Variants in PCDHGA1 observed in about 807,000 individuals in gnomAD.
The protein encoded by PCDHGA1 is protocadherin gamma-A1.
PCDHGA1 carries 32 observed loss-of-function variants against 58.0 expected under a neutral mutation model. The ratio of observed to expected loss-of-function variants is 0.55; its 90% CI spans 0.42 to 0.74. The LOEUF is 0.74. Ranked by LOEUF, PCDHGA1 falls within the 30% of genes least tolerant of loss-of-function variation. The pLI, the probability that PCDHGA1 is intolerant of heterozygous loss-of-function variation, is 0.00. For missense variants in PCDHGA1, 1,205 were observed against 1,182.3 expected, an observed-to-expected ratio of 1.02 and a Z score of -0.28; for synonymous variants, 498 against 501.1, an observed-to-expected ratio of 0.99 and a Z score of 0.08.
At chr5:141,361,046 A>C (rs779477758) in intron 1 of PCDHGA1, 3 of 1,613,710 alleles carry the variant, frequency 1.9e-6, no homozygotes, top group Non-Finnish European at 2.5e-6. Flanking sequence ...ATCACGACAA[A>C]GGATGATTTG....
chr5:141,339,793 C>G (rs1319429933), intron 1 of PCDHGA1: 1 of 1,614,084 alleles, frequency 6.2e-7, no homozygotes, highest in Non-Finnish European at 8.5e-7. Context: ...AGGGCTACTA[C>G]GCTCAAGTGG....
At chr5:141,421,895 G>C in intron 1 of PCDHGA1, 1 of 1,613,730 alleles carries the variant, frequency 6.2e-7, no homozygotes, top group Non-Finnish European at 8.5e-7. Context: ...GATCCCATCC[G>C]AAAGGGCGCA....
chr5:141,375,290 C>T (rs763674664), intron 1 of PCDHGA1: 14 of 1,613,672 alleles, frequency 8.7e-6, no homozygotes, highest in African/African-American at 2.7e-5. Flanking sequence ...CAATTATTAT[C>T]GATTAGTGAC....
chr5:141,375,656 T>C (rs891549331), intron 1 of PCDHGA1: 2 of 1,614,080 alleles, frequency 1.2e-6, no homozygotes, highest in Non-Finnish European at 1.7e-6. Flanking sequence ...CTATGAGCAG[T>C]TGAGAGACCT....
intron 1 of PCDHGA1, among the ~76,000 whole-genome samples, chr5:141,447,135 G>GT (rs905717632): frequency 9.9e-5 from 15 of 151,698 alleles, no homozygotes; most frequent in African/African-American, 3.4e-4. Flanking sequence ...TTGTTTGTTT[G>GT]TTTTTTGTTT....
intron 1 of PCDHGA1, chr5:141,421,255 C>A (rs759899934): frequency 1.9e-6 from 3 of 1,607,644 alleles, no homozygotes; most frequent in Non-Finnish European, 2.5e-6. Context: ...GCGCGGGGAC[C>A]GCAGTCGGCT....
chr5:141,478,155 G>A (rs138384601), intron 1 of PCDHGA1: 1 of 1,613,992 alleles, frequency 6.2e-7, no homozygotes, highest in Non-Finnish European at 8.5e-7. Context: ...TTCCCCTCTG[G>A]CTCTGCCCCC....
In PCDHGA1 at chr5:141,381,283, C is replaced by T. The variant is rs142136901; in HGVS notation, c.2421+48178C>T. On this transcript the variant is annotated intron_variant, in intron 1 of 3. Transcript: ENST00000517417. ...AAACCAAGACTGTTTCTTGCCAGGT[C>T]TTTATTCCAGAGCAGGTCATTCTCT... 3.8e-3 allele frequency among the ~76,000 whole-genome samples: 584 copies of T among 152,356 alleles called. 6 individuals are homozygous for T. The highest frequency in any genetic ancestry group is 0.011 in the Admixed American group (170 of 15,296).
chr5:141,392,750 G>A lies in PCDHGA1; in HGVS notation c.2421+59645G>A, dbSNP rs561923783. On this transcript the variant is annotated intron_variant, in intron 1 of 3. Coordinates refer to ENST00000517417, the MANE Select transcript of PCDHGA1 (RefSeq NM_018912.3). ...ATTGTCATCTCCATAGCTGCGGCAAGAAACTAAATAAGACCCATTTATGCA... is the reference window on the plus strand; with the variant it reads ...ATTGTCATCTCCATAGCTGCGGCAAAAAACTAAATAAGACCCATTTATGCA... 25 of 1,451,824 alleles carry A rather than the reference G, an allele frequency of 1.7e-5. No homozygotes were observed. In the Admixed American group the frequency reaches 4.2e-4, roughly 24 times the overall value. The allele number at this position is 1,451,824 out of a possible 1,614,324, so 89.9% of individuals were successfully genotyped here.
chr5:141,415,649 A>G (rs1179309556), intron 1 of PCDHGA1: 1 of 1,597,606 alleles, frequency 6.3e-7, no homozygotes, highest in Non-Finnish European at 8.5e-7. Context: ...GTTAAAAAAA[A>G]AAAGATTGGT....
At chr5:141,361,713 C>T (rs747794210) in intron 1 of PCDHGA1, 1 of 1,613,286 alleles carries the variant, frequency 6.2e-7, no homozygotes, top group African/African-American at 1.3e-5. Flanking sequence ...AGCAGCTGCG[C>T]GCCTTCGAGC....
chr5:141,382,954 C>T, intron 1 of PCDHGA1: 1 of 1,604,450 alleles, frequency 6.2e-7, no homozygotes, highest in East Asian at 2.2e-5. Flanking sequence ...GCTCTCCATC[C>T]TCCTGGGGAC....
At chr5:141,492,312 C>T (rs1470136040) in intron 1 of PCDHGA1, among the ~76,000 whole-genome samples, 2 of 152,348 alleles carry the variant, frequency 1.3e-5, no homozygotes, top group African/African-American at 4.8e-5. Flanking sequence ...CGCACGCACT[C>T]CTCGCACGTG....
chr5:141,402,955 G>A (rs753305536), intron 1 of PCDHGA1: 3 of 1,601,910 alleles, frequency 1.9e-6, no homozygotes, highest in Non-Finnish European at 2.6e-6. Context: ...AGGCAGCAAT[G>A]GCAGCTCCAA....
intron 1 of PCDHGA1, among the ~76,000 whole-genome samples, chr5:141,358,502 A>AT (rs1378109412): frequency 1.3e-5 from 2 of 152,160 alleles, no homozygotes; most frequent in African/African-American, 4.8e-5. Context: ...TTAACAGGAT[A>AT]TTTTCTCAAT....
At chr5:141,335,352 G>A (rs1756561670) in intron 1 of PCDHGA1, among the ~76,000 whole-genome samples, 1 of 151,954 alleles carries the variant, frequency 6.6e-6, no homozygotes, top group South Asian at 2.1e-4. Context: ...AAATATATAT[G>A]TACACACACA....
intron 1 of PCDHGA1, among the ~76,000 whole-genome samples, chr5:141,434,748 C>T (rs932613622): frequency 2.0e-5 from 3 of 151,818 alleles, no homozygotes; most frequent in African/African-American, 7.3e-5. Flanking sequence ...CTATGAGACC[C>T]CTGATTCCCC....
At chr5:141,376,059 C>T (rs761483041) in intron 1 of PCDHGA1, 2 of 1,613,398 alleles carry the variant, frequency 1.2e-6, no homozygotes, top group South Asian at 1.1e-5. Flanking sequence ...GCCACTGTCA[C>T]GCTCACCGTG....
At chr5:141,484,873 G>A (rs754469397) in intron 1 of PCDHGA1, 50 of 322,006 alleles carry the variant, frequency 1.6e-4, no homozygotes, top group Non-Finnish European at 2.5e-4. Flanking sequence ...GAGCGTGGAG[G>A]ATAGGGTGGG....
Sources: gnomAD v4.1 joint callset for allele counts (sites outside exome capture counted in the v4.1 genomes callset) on GRCh38, gnomAD v4.1.1 for gene constraint, MANE v1.5 for transcripts, NCBI Gene and HGNC (gene_info 2026-07-23, HGNC 2026-07-21) for gene names.